POGZ: variants seen among roughly 807,000 people sequenced by gnomAD.
The protein encoded by POGZ is pogo transposable element with ZNF domain.
Under a neutral mutation model 134.6 loss-of-function variants are expected in POGZ, and 17 were observed. The ratio of observed to expected loss-of-function variants is 0.13; its 90% CI spans 0.09 to 0.19. The LOEUF is 0.19. Among genes scored for constraint, POGZ ranks in the 10% least tolerant of loss-of-function variants. The probability of loss-of-function intolerance (pLI) is 1.00; values close to 1 mark genes in which losing one functional copy is unlikely to be tolerated. For synonymous variants in POGZ, 693 were observed against 657.1 expected (o/e 1.05, Z -0.84); for missense variants, 1,306 against 1,769.7 (o/e 0.74, Z 4.70).
At position 151,403,366 on chromosome 1, in the gene POGZ, C is replaced by T. The variant is rs1200489386; in HGVS notation, c.*1436G>A. 2 of 985,418 alleles carry T rather than the reference C, an allele frequency of 2.0e-6. No individual in the cohort carries two copies. 61.0% of individuals were successfully genotyped at this position (985,418 alleles called of 1,614,324 possible). A position where few individuals can be genotyped will look rare whatever the true frequency, so the allele number is the denominator to read the frequency against. ...AAAACAAGTTTATAAATCCATTTCC[C>T]CTCATTTTATTAAATGTTCCACTTA... On this transcript the variant is annotated 3_prime_UTR_variant, in exon 19 of 19. Coordinates refer to ENST00000271715, the MANE Select transcript of POGZ (RefSeq NM_015100.4).
chr1:151,428,447 C>A, intron 5 of POGZ, 34 bp from the exon 6 acceptor site: 2 of 1,598,086 alleles, frequency 1.3e-6, no homozygotes, highest in South Asian at 2.2e-5. Flanking sequence ...AGATCTTGGT[C>A]AGTGAGCTCA....
intron 3 of POGZ, among the ~76,000 whole-genome samples, chr1:151,437,336 G>A (rs1659790374): frequency 6.6e-6 from 1 of 151,790 alleles, no homozygotes; most frequent in Admixed American, 6.6e-5. Flanking sequence ...GGTTAGCTCT[G>A]TTTTTGTATT....
At chr1:151,458,932 C>G (rs1038515788) in intron 1 of POGZ, among the ~76,000 whole-genome samples, 1 of 144,830 alleles carries the variant, frequency 6.9e-6, no homozygotes, top group Admixed American at 6.8e-5. Flanking sequence ...CACACACACT[C>G]GCGCTCGCGC....
At chr1:151,447,652 T>C (rs961131624) in intron 1 of POGZ, among the ~76,000 whole-genome samples, 1 of 142,204 alleles carries the variant, frequency 7.0e-6, no homozygotes, top group Non-Finnish European at 1.5e-5. Context: ...ATTTTTTTTT[T>C]TTTTTTTTTT....
chr1:151,443,401 TA>T (rs1188046940), intron 1 of POGZ, among the ~76,000 whole-genome samples: 1 of 152,068 alleles, frequency 6.6e-6, no homozygotes, highest in Non-Finnish European at 1.5e-5. Context: ...CATGTCCCTT[TA>T]AAAAATTAAA....
chr1:151,429,942 G>A (rs887493335), intron 4 of POGZ, among the ~76,000 whole-genome samples: 5 of 148,092 alleles, frequency 3.4e-5, no homozygotes, highest in Admixed American at 1.4e-4. Flanking sequence ...GAGCAAAAAT[G>A]AAAACCTATT....
At chr1:151,446,755 CAAAAAAAAAAAAA>C (rs11309351) in intron 1 of POGZ, among the ~76,000 whole-genome samples, 1 of 70,732 alleles carries the variant, frequency 1.4e-5, no homozygotes, top group Non-Finnish European at 2.4e-5. Flanking sequence ...GACTCCATCT[CAAAAAAAAAAAAA>C]AAAAAAAAAA....
In POGZ at chr1:151,406,650, C is replaced by T; in HGVS notation, c.2546-19G>A. ...GTGAGTCCTATGGAAAATGAAACAA[C>T]AAAAATAGTTAGCTCAGTGAAAAAA... On this transcript the variant is annotated intron_variant, in intron 17 of 18. Coordinates refer to ENST00000271715, the MANE Select transcript of POGZ (RefSeq NM_015100.4). The T allele has an allele frequency of 1.9e-6, 3 of 1,601,642 alleles. No homozygotes were observed. The highest frequency in any genetic ancestry group is 2.6e-6 in the Non-Finnish European group (3 of 1,174,618).
At chr1:151,409,492 C>G (rs561829632) in intron 12 of POGZ, among the ~76,000 whole-genome samples, 1 of 152,144 alleles carries the variant, frequency 6.6e-6, no homozygotes, top group Non-Finnish European at 1.5e-5. Flanking sequence ...CGTGCCACCA[C>G]GCCCGGCTAC....
chr1:151,406,523 A>G, intron 18 of POGZ, 59 bp from the exon 19 acceptor site: 1 of 1,546,786 alleles, frequency 6.5e-7, no homozygotes. Flanking sequence ...GGAAATTGAA[A>G]CAATAATATG....
chr1:151,453,197 G>A (rs930104386), intron 1 of POGZ, among the ~76,000 whole-genome samples: 1 of 151,982 alleles, frequency 6.6e-6, no homozygotes, highest in African/African-American at 2.4e-5. Context: ...TTCGGTTACA[G>A]GTGTGAGCCA....
At chr1:151,428,923 C>T (rs1264016397) in intron 5 of POGZ, among the ~76,000 whole-genome samples, 1 of 151,970 alleles carries the variant, frequency 6.6e-6, no homozygotes, top group East Asian at 1.9e-4. Context: ...AAAGAAATGC[C>T]AGGGTAAGCT....
chr1:151,452,871 A>T (rs1280870070), intron 1 of POGZ, among the ~76,000 whole-genome samples: 1 of 151,852 alleles, frequency 6.6e-6, no homozygotes, highest in Non-Finnish European at 1.5e-5. Context: ...CTTAAAAAAA[A>T]AAAGTCACTC....
rs756483529 is a variant in POGZ, at chr1:151,405,428, C to T, written c.3607G>A (p.Glu1203Lys). 23 of 1,614,042 alleles carry T rather than the reference C, an allele frequency of 1.4e-5. No individual in the cohort carries two copies. Among genetic ancestry groups the T allele is most frequent in the South Asian group, 1.2e-4 (11 of 91,088 alleles). Residue 1203 changes from glutamate to lysine, a missense_variant, in exon 19 of 19, where the codon GAG (glutamate) becomes AAG (lysine). Glu to Lys is a moderately conservative substitution (Grantham distance 56). Coordinates refer to ENST00000271715, the MANE Select transcript of POGZ (RefSeq NM_015100.4). This position sits in a 1 kb window ranked among gnomAD's most constrained non-coding sequence, Gnocchi z 4.9. ...CGAGTTGACCACAGCTCCATGATCT[C>T]GTCATCACTGTAGCCACTCTCCTTT... is the stretch of plus-strand genomic sequence containing the variant. ...EAKESGYSDD[E>K]IMELWSTRVW...
Position 151,412,356 on chromosome 1 carries a change from T to C in POGZ, c.1719A>G (p.Pro573=), listed in dbSNP as rs189465604. The change falls in exon 11 of 19, where the codon CCA becomes CCG. Residue 573 remains proline, a synonymous_variant. Coordinates refer to ENST00000271715, the MANE Select transcript of POGZ (RefSeq NM_015100.4). ...TATCCTTCATATGCTGGAGAAATAG[T>C]GGCTCACTTTCAAACGCCCATTCAC... ...KICEWAFESE[P]LFLQHMKDTH... 3 of 1,610,800 alleles carry C rather than the reference T, an allele frequency of 1.9e-6. No individual in the cohort carries two copies. The highest frequency in any genetic ancestry group is 2.2e-5 in the East Asian group (1 of 44,770).
intron 8 of POGZ, 43 bp from the exon 9 acceptor site, chr1:151,424,329 T>C: frequency 1.6e-6 from 2 of 1,227,490 alleles, no homozygotes; most frequent in Non-Finnish European, 2.3e-6. Context: ...TCCTGGGGGC[T>C]AGAATGTGCT....
At chr1:151,412,063 C>T (rs1471315784) in intron 11 of POGZ, among the ~76,000 whole-genome samples, 1 of 152,170 alleles carries the variant, frequency 6.6e-6, no homozygotes, top group Non-Finnish European at 1.5e-5. Flanking sequence ...GAGACAGACA[C>T]TCCCTTAGAA....
At chr1:151,453,705 CTT>C (rs1338938574) in intron 1 of POGZ, among the ~76,000 whole-genome samples, 6 of 152,266 alleles carry the variant, frequency 3.9e-5, no homozygotes, top group Admixed American at 2.0e-4. Flanking sequence ...TACTCAGTCT[CTT>C]GTCTCATCCT....
chr1:151,432,904 T>A (rs1465608630), intron 3 of POGZ, among the ~76,000 whole-genome samples: 1 of 152,212 alleles, frequency 6.6e-6, no homozygotes, highest in African/African-American at 2.4e-5. Context: ...AGTTACAAAA[T>A]GTTTGCAAAG....
Sources: allele counts gnomAD v4.1 joint callset (sites outside exome capture counted in the v4.1 genomes callset), GRCh38; gene constraint gnomAD v4.1.1; non-coding constraint Gnocchi (gnomAD v3.1); transcripts MANE v1.5; gene names NCBI Gene and HGNC (gene_info 2026-07-23, HGNC 2026-07-21).